The following SCIN variants were observed in gnomAD, a reference collection of about 807,000 sequenced individuals.
The protein encoded by SCIN is scinderin.
Under a neutral mutation model 91.8 loss-of-function variants are expected in SCIN, and 91 were observed. That is an observed-to-expected ratio of 0.99 (90% CI 0.84 to 1.18). The LOEUF is 1.18. SCIN is among the 50% of genes most tolerant of loss of function. The pLI is 0.00. For synonymous variants in SCIN, 367 were observed against 312.6 expected, an observed-to-expected ratio of 1.17 and a Z score of -1.84; for missense variants, 1,087 against 863.9, an observed-to-expected ratio of 1.26 and a Z score of -3.24.
At chr7:12,590,580 T>C (rs1782699445) in intron 3 of SCIN, among the ~76,000 whole-genome samples, 1 of 152,024 alleles carries the variant, frequency 6.6e-6, no homozygotes, top group African/African-American at 2.4e-5. Flanking sequence ...GGAGGCTGCT[T>C]GCTGTATAGC....
chr7:12,622,860 CAT>C lies in SCIN; in HGVS notation c.728_729del (p.Ile243LysfsTer2), dbSNP rs1300825828. The part of the protein sequence containing the change: ...GGDDDDIIAD[I>X]SNRKMAKLYM... The stretch of plus-strand genomic sequence containing the variant: ...GTGATGATGATGACATTATAGCAGA[CAT>C]AAGTAACAGGAAAATGGCTAAACTA... On this transcript the variant is annotated frameshift_variant, in exon 5 of 16. Coordinates refer to ENST00000297029, the MANE Select transcript of SCIN (RefSeq NM_001112706.3). LOFTEE classifies it high-confidence loss of function. 1 of 1,612,794 alleles carries C rather than the reference CAT, an allele frequency of 6.2e-7. No individual in the cohort carries two copies. The highest frequency in any genetic ancestry group is 8.5e-7 in the Non-Finnish European group (1 of 1,179,208).
chr7:12,603,443 T>G (rs1783001375), intron 3 of SCIN, among the ~76,000 whole-genome samples: 1 of 152,054 alleles, frequency 6.6e-6, no homozygotes, highest in African/African-American at 2.4e-5. Flanking sequence ...ATGCCTGACC[T>G]TAATTTTTTT....
At chr7:12,637,564 C>A (rs746679793) in intron 10 of SCIN, among the ~76,000 whole-genome samples, 2 of 144,784 alleles carry the variant, frequency 1.4e-5, no homozygotes, top group Non-Finnish European at 3.0e-5. Context: ...AGAAATGAGA[C>A]AAGTAAGGAG....
In SCIN at chr7:12,657,991, T is replaced by C. The variant is rs1421506787; in HGVS notation, c.*5276T>C. On this transcript the variant is annotated 3_prime_UTR_variant, in exon 16 of 16. Coordinates refer to ENST00000297029, the MANE Select transcript of SCIN (RefSeq NM_001112706.3). ...AGAGAGATTATTTTTGATGTTATTA[T>C]AATAAAAATGACACCTTTACTAAAA... 6 of 152,176 alleles carry C rather than the reference T, an allele frequency of 3.9e-5. No homozygotes were observed. Among genetic ancestry groups the C allele is most frequent in the African/African-American group, 7.2e-5 (3 of 41,446 alleles). The allele number at this position is 152,176 out of a possible 1,614,324, so 9.4% of individuals were successfully genotyped here.
At chr7:12,583,229 A>T (rs546150636) in intron 3 of SCIN, among the ~76,000 whole-genome samples, 1 of 152,234 alleles carries the variant, frequency 6.6e-6, no homozygotes, top group African/African-American at 2.4e-5. Context: ...ATATTGGGCA[A>T]CTCATTAATG....
intron 4 of SCIN, among the ~76,000 whole-genome samples, chr7:12,608,849 GTCTC>G (rs971546412): frequency 6.6e-6 from 1 of 152,100 alleles, no homozygotes; most frequent in African/African-American, 2.4e-5. Flanking sequence ...AGCTTTGAAA[GTCTC>G]TCTATGTGAA....
At chr7:12,644,034 C>T (rs1783906060) in intron 11 of SCIN, 104 bp from the exon 12 acceptor site, 1 of 1,026,266 alleles carries the variant, frequency 9.7e-7, no homozygotes, top group Non-Finnish European at 1.4e-6. Flanking sequence ...TGGGATAGGG[C>T]AGAAGGCGAT....
intron 13 of SCIN, among the ~76,000 whole-genome samples, chr7:12,645,656 T>C (rs1014987851): frequency 2.6e-5 from 4 of 152,166 alleles, no homozygotes; most frequent in Non-Finnish European, 5.9e-5. Context: ...CTTCCACCTT[T>C]CGATAGGCCC....
chr7:12,589,318 C>A, intron 3 of SCIN: 1 of 151,808 alleles, frequency 6.6e-6, no homozygotes, highest in Non-Finnish European at 1.5e-5. Flanking sequence ...CCGGGTTCAC[C>A]CCACACGCCA....
intron 3 of SCIN, among the ~76,000 whole-genome samples, chr7:12,590,007 G>A (rs1252718596): frequency 2.6e-5 from 4 of 152,074 alleles, no homozygotes; most frequent in East Asian, 1.9e-4. Context: ...TTGCCCTTTC[G>A]ACTTTTCCGG....
chr7:12,629,519 G>C (rs550243795), intron 9 of SCIN, among the ~76,000 whole-genome samples: 237 of 152,148 alleles, frequency 1.6e-3, no homozygotes, highest in Non-Finnish European at 1.3e-3. Flanking sequence ...TTGTATGCAG[G>C]TTAACACTGC....
intron 4 of SCIN, among the ~76,000 whole-genome samples, chr7:12,606,664 A>G (rs961665222): frequency 2.6e-5 from 4 of 152,200 alleles, no homozygotes; most frequent in Non-Finnish European, 5.9e-5. Context: ...CTGTATTCAT[A>G]CATATGTACA....
intron 15 of SCIN, among the ~76,000 whole-genome samples, chr7:12,652,118 TAGAATTATATCA>T (rs548265586): frequency 6.6e-6 from 1 of 152,362 alleles, no homozygotes; most frequent in South Asian, 2.1e-4. Context: ...TAATCTAGAA[TAGAATTATATCA>T]ATTTAATCTG....
chr7:12,603,256 T>C (rs955439154), intron 3 of SCIN, among the ~76,000 whole-genome samples: 2 of 152,242 alleles, frequency 1.3e-5, no homozygotes, highest in African/African-American at 4.8e-5. Context: ...GCCATTCTCC[T>C]GCCTCAGCCT....
chr7:12,641,987 TTTTA>T (rs1389469554), intron 11 of SCIN, among the ~76,000 whole-genome samples: 2 of 151,922 alleles, frequency 1.3e-5, no homozygotes, highest in Non-Finnish European at 2.9e-5. Flanking sequence ...AATATCAAAT[TTTTA>T]TTTATTTTTT....
chr7:12,597,283 A>G (rs1169918616), intron 3 of SCIN, among the ~76,000 whole-genome samples: 1 of 152,228 alleles, frequency 6.6e-6, no homozygotes, highest in Non-Finnish European at 1.5e-5. Context: ...ATGAATTTCT[A>G]TATTTGGGTA....
intron 4 of SCIN, among the ~76,000 whole-genome samples, chr7:12,609,642 A>G (rs1783151603): frequency 6.6e-6 from 1 of 152,194 alleles, no homozygotes; most frequent in Non-Finnish European, 1.5e-5. Context: ...GTTGTTTGAA[A>G]CAACAACAAT....
At position 12,653,314 on chromosome 7, in the gene SCIN, G is replaced by A. The variant is rs1301629276; in HGVS notation, c.*599G>A. On this transcript the variant is annotated 3_prime_UTR_variant, in exon 16 of 16. Coordinates refer to ENST00000297029, the MANE Select transcript of SCIN (RefSeq NM_001112706.3). This position sits in a 1 kb window ranked among gnomAD's most constrained non-coding sequence, Gnocchi z 4.1. ...AAAGTAAAATACTATGCATAATCTA[G>A]AAAGATTTGTCAGATAGGAAATTTT... 6.6e-6 allele frequency: 1 copy of A among 152,058 alleles called. No individual in the cohort carries two copies. Among genetic ancestry groups the A allele is most frequent in the East Asian group, 1.9e-4 (1 of 5,184 alleles). The allele number at this position is 152,058 out of a possible 1,614,324, so 9.4% of individuals were successfully genotyped here. A position where few individuals can be genotyped will look rare whatever the true frequency, so the allele number is the denominator to read the frequency against.
chr7:12,578,909 GTT>G, intron 2 of SCIN, among the ~76,000 whole-genome samples: 6 of 85,890 alleles, frequency 7.0e-5, no homozygotes, highest in Non-Finnish European at 1.4e-4. Context: ...TATAGGACAG[GTT>G]TTTTTTTTTT....
Sources: gnomAD v4.1 joint callset for allele counts (sites outside exome capture counted in the v4.1 genomes callset) on GRCh38, gnomAD v4.1.1 for gene constraint, Gnocchi (gnomAD v3.1) non-coding constraint, MANE v1.5 for transcripts, NCBI Gene and HGNC (gene_info 2026-07-23, HGNC 2026-07-21) for gene names.